Variants in CTNND2 observed in about 807,000 individuals in gnomAD.
The protein encoded by CTNND2 is catenin delta 2.
In CTNND2, 22 loss-of-function variants were observed where a neutral mutation model predicts 144.4. The observed-to-expected ratio is 0.15, with a 90% confidence interval of 0.11 to 0.22. CTNND2 has a LOEUF of 0.22. Ranked by LOEUF, CTNND2 falls within the 10% of genes least tolerant of loss-of-function variation. CTNND2 has a pLI of 1.00. For synonymous variants in CTNND2, 751 were observed against 695.6 expected, an observed-to-expected ratio of 1.08 and a Z score of -1.25; for missense variants, 1,353 against 1,618.8, an observed-to-expected ratio of 0.84 and a Z score of 2.82.
intron 10 of CTNND2, among the ~76,000 whole-genome samples, chr5:11,219,955 C>T (rs796474710): frequency 2.6e-5 from 4 of 152,284 alleles, no homozygotes; most frequent in African/African-American, 7.2e-5. Context: ...TCCACCTCCC[C>T]AACTCCACTC....
chr5:11,362,723 C>T (rs941906053), intron 8 of CTNND2, among the ~76,000 whole-genome samples: 2 of 127,286 alleles, frequency 1.6e-5, no homozygotes, highest in African/African-American at 6.2e-5. Context: ...TGGGTTTCAC[C>T]TTTGAAGCAG....
intron 9 of CTNND2, among the ~76,000 whole-genome samples, chr5:11,328,182 T>C (rs561267387): frequency 3.5e-4 from 54 of 152,332 alleles, no homozygotes; most frequent in Admixed American, 6.5e-4. Flanking sequence ...AAATGACTCT[T>C]TTTTCCAAAT....
intron 3 of CTNND2, among the ~76,000 whole-genome samples, chr5:11,489,655 GAGTAATAA>G (rs1318778140): frequency 1.3e-5 from 2 of 152,114 alleles, no homozygotes; most frequent in Non-Finnish European, 2.9e-5. Context: ...AGAAGTTAAT[GAGTAATAA>G]CACAGTGATT....
At chr5:11,288,105 A>AG (rs1358817840) in intron 9 of CTNND2, among the ~76,000 whole-genome samples, 1 of 152,224 alleles carries the variant, frequency 6.6e-6, no homozygotes, top group Non-Finnish European at 1.5e-5. Context: ...AAACTACTGT[A>AG]GGCAGATGCA....
intron 1 of CTNND2, among the ~76,000 whole-genome samples, chr5:11,770,762 A>C (rs928383980): frequency 6.6e-6 from 1 of 152,154 alleles, no homozygotes; most frequent in Admixed American, 6.5e-5. Context: ...AAAGTTTGAG[A>C]ACAGTGAGTA....
At chr5:11,022,645 T>C in intron 17 of CTNND2, 124 bp downstream of exon 17, 1 of 747,136 alleles carries the variant, frequency 1.3e-6, no homozygotes, top group South Asian at 1.7e-5. Flanking sequence ...ATTTTCCTTC[T>C]CTTGATTCTC....
intron 1 of CTNND2, among the ~76,000 whole-genome samples, chr5:11,869,317 C>T (rs966604634): frequency 2.0e-5 from 3 of 152,178 alleles, no homozygotes; most frequent in Admixed American, 6.5e-5. Flanking sequence ...AAGGTGAAAG[C>T]AACTCGAATG....
rs142378780 is a variant in CTNND2, at chr5:11,287,883, G to A, written c.1629-51060C>T. Among the ~76,000 whole-genome samples the A allele has an allele frequency of 2.7e-4, 41 of 152,242 alleles. No individual in the cohort carries two copies. In the East Asian group the frequency reaches 6.7e-3, roughly 25 times the overall value. ...AATGCTACACCAAAATAAAAACTCCGCATCAGTCAGTTGATACAATAAATG... is the reference window on the plus strand; with the variant it reads ...AATGCTACACCAAAATAAAAACTCCACATCAGTCAGTTGATACAATAAATG... On this transcript the variant is annotated intron_variant, in intron 9 of 21. Coordinates refer to ENST00000304623, the MANE Select transcript of CTNND2 (RefSeq NM_001332.4).
intron 7 of CTNND2, among the ~76,000 whole-genome samples, chr5:11,365,426 CA>C (rs1200566693): frequency 2.6e-5 from 4 of 152,156 alleles, no homozygotes; most frequent in African/African-American, 9.7e-5. Flanking sequence ...CCGAGAGAAG[CA>C]GATATTAAAG....
chr5:11,265,158 C>G (rs1328664970), intron 9 of CTNND2, among the ~76,000 whole-genome samples: 1 of 152,006 alleles, frequency 6.6e-6, no homozygotes, highest in Non-Finnish European at 1.5e-5. Context: ...ATCAAAAAAA[C>G]TGCCATAAAT....
rs916702786 is a variant in CTNND2, at chr5:11,046,735, T to C, written c.2789-23756A>G. Among the ~76,000 whole-genome samples, 20 of 152,184 alleles carry C rather than the reference T, an allele frequency of 1.3e-4. 1 individual carries two copies. The East Asian group carries it at 2.5e-3, about 19-fold the overall frequency. On this transcript the variant is annotated intron_variant, in intron 16 of 21. Coordinates refer to ENST00000304623, the MANE Select transcript of CTNND2 (RefSeq NM_001332.4). ...GACCAAATAAGCAAAAGCAAATAAA[T>C]AAAATAAATAAAAATGATGCTTCAG...
intron 10 of CTNND2, among the ~76,000 whole-genome samples, chr5:11,212,855 T>C (rs1027889240): frequency 2.0e-5 from 3 of 152,032 alleles, no homozygotes; most frequent in Non-Finnish European, 4.4e-5. Flanking sequence ...GGGAGGAGAC[T>C]AGACTGGAGC....
At chr5:11,362,518 C>G (rs1223644028) in intron 8 of CTNND2, among the ~76,000 whole-genome samples, 3 of 152,134 alleles carry the variant, frequency 2.0e-5, no homozygotes, top group African/African-American at 7.2e-5. Flanking sequence ...GAGGTAGTTT[C>G]TCCTCCTCCA....
intron 2 of CTNND2, among the ~76,000 whole-genome samples, chr5:11,702,526 C>T (rs1243643161): frequency 1.3e-5 from 2 of 152,152 alleles, no homozygotes; most frequent in African/African-American, 2.4e-5. Flanking sequence ...TTTTCCACAA[C>T]AATTAGTGCT....
At chr5:11,044,214 C>T (rs937064872) in intron 16 of CTNND2, among the ~76,000 whole-genome samples, 1 of 152,078 alleles carries the variant, frequency 6.6e-6, no homozygotes, top group Non-Finnish European at 1.5e-5. Context: ...ATGCAGACAC[C>T]AAACATGCCC....
intron 3 of CTNND2, among the ~76,000 whole-genome samples, chr5:11,432,151 G>T (rs1763361855): frequency 7.1e-6 from 1 of 141,168 alleles, no homozygotes; most frequent in Admixed American, 7.1e-5. Context: ...TAAGTTAAGG[G>T]CTTAAGGACT....
chr5:11,075,456 G>C (rs1050509916), intron 16 of CTNND2, among the ~76,000 whole-genome samples: 10 of 152,230 alleles, frequency 6.6e-5, no homozygotes, highest in Admixed American at 6.5e-5. Context: ...CAGAATGTAG[G>C]GAAACAGTCC....
intron 10 of CTNND2, among the ~76,000 whole-genome samples, chr5:11,234,598 G>A (rs955547445): frequency 6.6e-6 from 1 of 152,156 alleles, no homozygotes; most frequent in Admixed American, 6.5e-5. Flanking sequence ...GATGTAGCCG[G>A]AAACAAGTCT....
intron 3 of CTNND2, among the ~76,000 whole-genome samples, chr5:11,481,756 A>G (rs138440569): frequency 6.6e-6 from 1 of 152,300 alleles, no homozygotes; most frequent in African/African-American, 2.4e-5. Context: ...ATTTATTTGT[A>G]ATAGTCATAT....
Sources: allele counts gnomAD v4.1 joint callset (sites outside exome capture counted in the v4.1 genomes callset), GRCh38; gene constraint gnomAD v4.1.1; transcripts MANE v1.5; gene names NCBI Gene and HGNC (gene_info 2026-07-23, HGNC 2026-07-21).